Variants in PDE4A observed in about 807,000 individuals in gnomAD.
PDE4A encodes phosphodiesterase 4A.
In PDE4A, 21 loss-of-function variants were observed where a neutral mutation model predicts 73.9. That is an observed-to-expected ratio of 0.28 (90% CI 0.20 to 0.41). PDE4A has a LOEUF of 0.41. Among genes scored for constraint, PDE4A ranks in the 10% least tolerant of loss-of-function variants. The pLI is 1.00. For missense variants in PDE4A, 958 were observed against 1,211.4 expected (o/e 0.79, Z 3.10); for synonymous variants, 463 against 505.4 (o/e 0.92, Z 1.13).
chr19:10,434,232 T>A (rs1188522542), intron 1 of PDE4A, among the ~76,000 whole-genome samples: 2 of 148,570 alleles, frequency 1.3e-5, no homozygotes, highest in Admixed American at 6.7e-5. Context: ...TTTTTCAGGG[T>A]CTCGCTCTGT....
intron 8 of PDE4A, chr19:10,459,180 T>A (rs559252436): frequency 3.9e-4 from 281 of 727,562 alleles, no homozygotes; most frequent in Middle Eastern, 8.4e-4. Context: ...AGAGCAATAC[T>A]TGGCAGATCA....
chr19:10,464,665 C>G (rs1219326662), intron 14 of PDE4A, among the ~76,000 whole-genome samples: 2 of 152,080 alleles, frequency 1.3e-5, no homozygotes, highest in Non-Finnish European at 2.9e-5. Flanking sequence ...CCTTGGCCTC[C>G]CAAAGTGCTG....
intron 1 of PDE4A, among the ~76,000 whole-genome samples, chr19:10,445,796 C>G (rs1325722069): frequency 6.6e-6 from 1 of 151,002 alleles, no homozygotes; most frequent in Non-Finnish European, 1.5e-5. Flanking sequence ...AAATTCTCCA[C>G]CTGAATGTCT....
chr19:10,463,074 T>C (rs558509879), intron 13 of PDE4A, among the ~76,000 whole-genome samples: 27 of 151,810 alleles, frequency 1.8e-4, no homozygotes, highest in Non-Finnish European at 3.1e-4. Context: ...CTTTCCTTCT[T>C]CTTTCTCTTT....
At chr19:10,416,777 A>G, upstream of PDE4A, 1 of 1,481,640 alleles carries the variant, frequency 6.7e-7, no homozygotes, top group African/African-American at 1.4e-5. Context: ...CGCTGACGTC[A>G]CGCCCCAGGA....
intron 1 of PDE4A, among the ~76,000 whole-genome samples, chr19:10,423,852 A>C (rs1190975495): frequency 6.6e-6 from 1 of 152,232 alleles, no homozygotes; most frequent in Admixed American, 6.5e-5. Context: ...GCTGAGGTCC[A>C]AAGCTGGGAC....
At chr19:10,435,561 AACAC>A (rs35022243) in intron 1 of PDE4A, among the ~76,000 whole-genome samples, 45 of 145,404 alleles carry the variant, frequency 3.1e-4, no homozygotes, top group Admixed American at 5.6e-4. Flanking sequence ...ACCCTGTATC[AACAC>A]ACACACACAC....
At position 10,453,411 on chromosome 19, in the gene PDE4A, C is replaced by T. The variant is rs527698810; in HGVS notation, c.784-1418C>T. The stretch of plus-strand genomic sequence containing the variant: ...GTGGGCTTGTGTGTGCAGCTGTGCA[C>T]GTGTGTGGCCTGGAGATGAAGCCTT... On this transcript the variant is annotated intron_variant, in intron 6 of 14. Coordinates refer to ENST00000380702, the MANE Select transcript of PDE4A (RefSeq NM_001111307.2). This position sits in a 1 kb window ranked among gnomAD's most constrained non-coding sequence, Gnocchi z 4.6. 72 of 1,473,338 alleles carry T rather than the reference C, an allele frequency of 4.9e-5. No individual in the cohort carries two copies. Among genetic ancestry groups the T allele is most frequent in the Middle Eastern group, 4.2e-4 (2 of 4,780 alleles). 91.3% of individuals were successfully genotyped at this position (1,473,338 alleles called of 1,614,324 possible).
upstream of PDE4A, chr19:10,417,574 G>T: frequency 6.7e-7 from 1 of 1,482,046 alleles, no homozygotes; most frequent in South Asian, 1.3e-5. Context: ...TACTCCCTTA[G>T]ACAGCTAGGT....
Position 10,446,314 on chromosome 19 carries a change from C to T in PDE4A, c.417C>T (p.Thr139=). ...TCGTGCTGCACGCCGGGGCGGCCAC[C>T]AGCCAGCGCCGGGAGTCCTTCCTGT... ...PGLVLHAGAA[T]SQRRESFLYR... The change falls in exon 2 of 15, where the codon ACC becomes ACT. Residue 139 remains threonine, a synonymous_variant. Coordinates refer to ENST00000380702, the MANE Select transcript of PDE4A (RefSeq NM_001111307.2). 1.2e-6 allele frequency: 2 copies of T among 1,613,448 alleles called. No individual in the cohort carries two copies. Among genetic ancestry groups the T allele is most frequent in the Non-Finnish European group, 1.7e-6 (2 of 1,179,638 alleles).
upstream of PDE4A, among the ~76,000 whole-genome samples, chr19:10,419,269 C>G (rs1433414042): frequency 2.1e-5 from 3 of 144,322 alleles, no homozygotes; most frequent in African/African-American, 7.7e-5. Context: ...TGCACTCCCC[C>G]CGCCCAGCAG....
rs1227613032 is a variant in PDE4A, at chr19:10,467,230, C to T, written c.2270C>T (p.Ala757Val). 1 of 1,614,044 alleles carries T rather than the reference C, an allele frequency of 6.2e-7. No individual in the cohort carries two copies. The highest frequency in any genetic ancestry group is 1.3e-5 in the African/African-American group (1 of 74,916). Reference sequence around the variant, plus strand: ...ACCATAGCCTGGGAGGCATCCCCGGCCCAGGAGTCGTTGGAAGTTATGGCA... The same window carrying T: ...ACCATAGCCTGGGAGGCATCCCCGGTCCAGGAGTCGTTGGAAGTTATGGCA... Reference protein sequence around the residue: ...DATIAWEASPAQESLEVMAQE... With the variant: ...DATIAWEASPVQESLEVMAQE... The change falls in exon 15 of 15, where the codon GCC (alanine) becomes GTC (valine). Residue 757 changes from alanine (A) to valine (V), a missense_variant. Around this residue, in one of 3 missense-constraint regions of PDE4A, gnomAD observed 243 missense variants for 245.9 expected, o/e 0.99. Coordinates refer to ENST00000380702, the MANE Select transcript of PDE4A (RefSeq NM_001111307.2).
At chr19:10,431,141 C>T in intron 1 of PDE4A, 1 of 1,245,270 alleles carries the variant, frequency 8.0e-7, no homozygotes, top group Admixed American at 3.0e-5. Flanking sequence ...ACCTGGCGCA[C>T]TCCAGGGTCT....
chr19:10,417,891 G>C (rs1164375930), upstream of PDE4A: 25 of 1,538,570 alleles, frequency 1.6e-5, no homozygotes, highest in Non-Finnish European at 2.2e-5. Context: ...AGCAGAGTGG[G>C]AGGTGGGTTG....
chr19:10,439,707 G>A (rs953778764), intron 1 of PDE4A, among the ~76,000 whole-genome samples: 1 of 152,154 alleles, frequency 6.6e-6, no homozygotes, highest in African/African-American at 2.4e-5. Context: ...GTCAGAGGCT[G>A]AGAGACGGGG....
At chr19:10,449,234 T>G in intron 4 of PDE4A, 84 bp downstream of exon 4, 6 of 1,455,586 alleles carry the variant, frequency 4.1e-6, no homozygotes, top group Non-Finnish European at 5.7e-6. Context: ...GTGTGACCTC[T>G]GGCAGGCAGG....
In PDE4A at chr19:10,467,752, G is replaced by T. The variant is rs201640912; in HGVS notation, c.*131G>T. On this transcript the variant is annotated 3_prime_UTR_variant, in exon 15 of 15. Coordinates refer to ENST00000380702, the MANE Select transcript of PDE4A (RefSeq NM_001111307.2). Reference sequence around the variant, plus strand: ...GAGAAAAAAGAAAACGAAAAGTGGGGTTTTTTTCTGTTTTCTTTTTTTCCC... The same window carrying T: ...GAGAAAAAAGAAAACGAAAAGTGGGTTTTTTTTCTGTTTTCTTTTTTTCCC... 1.1e-4 allele frequency: 72 copies of T among 643,460 alleles called. No individual in the cohort carries two copies. The highest frequency in any genetic ancestry group is 2.5e-4 in the Admixed American group (7 of 27,776). The allele number at this position is 643,460 out of a possible 1,614,324, so 39.9% of individuals were successfully genotyped here.
intron 1 of PDE4A, among the ~76,000 whole-genome samples, chr19:10,436,726 A>G (rs1224166714): frequency 2.0e-5 from 3 of 152,194 alleles, no homozygotes; most frequent in African/African-American, 7.2e-5. Flanking sequence ...GGCACCCAGG[A>G]CACAGCAGGT....
intron 10 of PDE4A, 128 bp from the exon 11 acceptor site, chr19:10,460,876 C>A: frequency 1.1e-6 from 1 of 916,336 alleles, no homozygotes; most frequent in Non-Finnish European, 1.6e-6. Flanking sequence ...CCTCGAACTT[C>A]TGGCCTTGAA....
Sources: allele counts gnomAD v4.1 joint callset (sites outside exome capture counted in the v4.1 genomes callset), GRCh38; gene constraint gnomAD v4.1.1; regional missense constraint gnomAD v4.1.1; non-coding constraint Gnocchi (gnomAD v3.1); transcripts MANE v1.5; gene names NCBI Gene and HGNC (gene_info 2026-07-23, HGNC 2026-07-21).